TOPAZ1: variants seen among roughly 807,000 people sequenced by gnomAD.
The protein encoded by TOPAZ1 is testis and ovary specific TOPAZ 1.
In TOPAZ1, 66 loss-of-function variants were observed where a neutral mutation model predicts 172.2. That is an observed-to-expected ratio of 0.38 (90% CI 0.31 to 0.47). The LOEUF is 0.47. TOPAZ1 is among the 20% of genes least tolerant of loss of function. The probability of loss-of-function intolerance (pLI) is 0.99; values close to 1 mark genes in which losing one functional copy is unlikely to be tolerated. For missense variants in TOPAZ1, 1,822 were observed against 1,972.4 expected (o/e 0.92, Z 1.44); for synonymous variants, 681 against 683.9 (o/e 1.00, Z 0.07).
chr3:44,317,256 A>G (rs1180685888), intron 16 of TOPAZ1, among the ~76,000 whole-genome samples: 3 of 152,128 alleles, frequency 2.0e-5, no homozygotes, highest in Non-Finnish European at 4.4e-5. Flanking sequence ...CCCTGTCGCT[A>G]AGAAAAATAC....
intron 2 of TOPAZ1, among the ~76,000 whole-genome samples, chr3:44,246,170 T>C (rs1321897499): frequency 2.0e-5 from 3 of 152,234 alleles, no homozygotes; most frequent in African/African-American, 7.2e-5. Flanking sequence ...ATGATGATTT[T>C]TTCCCTCAAA....
intron 12 of TOPAZ1, among the ~76,000 whole-genome samples, chr3:44,296,865 GAAAAAA>G (rs1164667443): frequency 1.9e-4 from 17 of 87,726 alleles, no homozygotes; most frequent in African/African-American, 3.6e-4. Context: ...AAAAAAAAAA[GAAAAAA>G]AAAAGAAAAG....
rs763846246 is a variant in TOPAZ1, at chr3:44,243,537, T to TTA, written c.1032_1033dup (p.Thr345IlefsTer4). ...TTGTCTGAAAAAGCAGATGAAACAG[T>TTA]TACTGAGATGAACTTCTCTAATGAG... On this transcript the variant is annotated frameshift_variant, in exon 2 of 20. Transcript: ENST00000309765. LOFTEE classifies it high-confidence loss of function. 3.9e-6 allele frequency: 6 copies of TTA among 1,551,358 alleles called. No homozygotes were observed.
In TOPAZ1 at chr3:44,269,471, C is replaced by CTTTTTTTTTTTTTTTTTTTTTTTTTT. The variant is rs71085612; in HGVS notation, c.3246+176_3246+201dup. ...CCTTTTGATTGTATTTCCCTATCAT[C>CTTTTTTTTTTTTTTTTTTTTTTTTTT]TTTTTTTTTTTTTTTTTTTTTTTTT... On this transcript the variant is annotated intron_variant, in intron 7 of 19. Coordinates refer to ENST00000309765, the MANE Select transcript of TOPAZ1 (RefSeq NM_001145030.2). Among the ~76,000 whole-genome samples, 47 of 33,934 alleles carry CTTTTTTTTTTTTTTTTTTTTTTTTTT rather than the reference C, an allele frequency of 1.4e-3. 6 individuals are homozygous for CTTTTTTTTTTTTTTTTTTTTTTTTTT. Among genetic ancestry groups the CTTTTTTTTTTTTTTTTTTTTTTTTTT allele is most frequent in the African/African-American group, 2.0e-3 (12 of 6,122 alleles). 22.3% of individuals were successfully genotyped at this position (33,934 alleles called of 152,430 possible).
chr3:44,300,345 G>C (rs1291132796), intron 12 of TOPAZ1, among the ~76,000 whole-genome samples: 1 of 151,888 alleles, frequency 6.6e-6, no homozygotes, highest in Non-Finnish European at 1.5e-5. Context: ...GAGGCTCCAA[G>C]AGAATCACTT....
chr3:44,257,771 A>T (rs1699731428), intron 4 of TOPAZ1, among the ~76,000 whole-genome samples: 1 of 152,132 alleles, frequency 6.6e-6, no homozygotes, highest in Non-Finnish European at 1.5e-5. Context: ...TGATATTGAT[A>T]AAATAAGTTT....
chr3:44,306,268 T>A, intron 14 of TOPAZ1, 58 bp from the exon 15 acceptor site: 1 of 1,133,188 alleles, frequency 8.8e-7, no homozygotes, highest in Non-Finnish European at 1.3e-6. Flanking sequence ...TTAGTTTGCC[T>A]CTTCCATCAT....
intron 1 of TOPAZ1, 82 bp downstream of exon 1, chr3:44,242,481 T>G: frequency 1.5e-6 from 2 of 1,374,154 alleles, no homozygotes; most frequent in Non-Finnish European, 2.0e-6. Flanking sequence ...AGTCTTTAAC[T>G]TGAACCTGCA....
chr3:44,245,536 T>G (rs2125676228), intron 2 of TOPAZ1, among the ~76,000 whole-genome samples: 1 of 41,354 alleles, frequency 2.4e-5, no homozygotes, highest in Admixed American at 3.2e-4. Flanking sequence ...GTGGCTTTTT[T>G]TTTTTTTTTT....
intron 5 of TOPAZ1, among the ~76,000 whole-genome samples, chr3:44,266,422 G>A (rs1256718543): frequency 1.3e-5 from 2 of 152,158 alleles, no homozygotes; most frequent in South Asian, 2.1e-4. Context: ...TGTCTTATCC[G>A]TCAACATGCC....
chr3:44,258,714 A>G (rs1202967938), intron 4 of TOPAZ1, among the ~76,000 whole-genome samples: 2 of 152,114 alleles, frequency 1.3e-5, no homozygotes, highest in Non-Finnish European at 2.9e-5. Context: ...CTATTTGCTC[A>G]TTGATGGATA....
Position 44,305,153 on chromosome 3 carries a change from A to G in TOPAZ1, c.3871A>G (p.Lys1291Glu). The G allele has an allele frequency of 6.6e-7, 1 of 1,507,352 alleles. No homozygotes were observed. Among genetic ancestry groups the G allele is most frequent in the Non-Finnish European group, 8.8e-7 (1 of 1,130,544 alleles). 93.4% of individuals were successfully genotyped at this position (1,507,352 alleles called of 1,614,324 possible). ...DSALNKLEHC[K>E]EKGDWTKLGK... The stretch of plus-strand genomic sequence containing the variant: ...TTTTTAATAATTTTGATAGCATTGT[A>G]AAGAAAAAGGTGACTGGACCAAATT... Residue 1291 changes from lysine to glutamate, a missense_variant, in exon 14 of 20, where the codon AAA becomes GAA. Coordinates refer to ENST00000309765, the MANE Select transcript of TOPAZ1 (RefSeq NM_001145030.2).
Position 44,244,310 on chromosome 3 carries a change from A to C in TOPAZ1, c.1804A>C (p.Ser602Arg). The C allele has an allele frequency of 6.4e-7, 1 of 1,551,120 alleles. No individual in the cohort carries two copies. Among genetic ancestry groups the C allele is most frequent in the Non-Finnish European group, 8.7e-7 (1 of 1,146,846 alleles). ...TAAAAAGATAAAATCAGAGGAACTG[A>C]GCAGAAGAGGGTCAGAGGTAATTTC... ...DDKKIKSEEL[S>R]RRGSEVISNT... The change falls in exon 2 of 20, where the codon AGC (serine) becomes CGC (arginine). Residue 602 changes from serine to arginine, a missense_variant. By Grantham distance (110) the Ser-to-Arg change is moderately radical. Coordinates refer to ENST00000309765, the MANE Select transcript of TOPAZ1 (RefSeq NM_001145030.2).
intron 2 of TOPAZ1, 95 bp from the exon 3 acceptor site, chr3:44,254,873 C>G (rs1699678237): frequency 1.2e-6 from 1 of 853,448 alleles, no homozygotes; most frequent in Non-Finnish European, 1.8e-6. Context: ...CTGATGTTCA[C>G]CAGCAGCTAA....
chr3:44,311,138 C>T (rs1700393522), intron 16 of TOPAZ1, among the ~76,000 whole-genome samples: 1 of 151,922 alleles, frequency 6.6e-6, no homozygotes, highest in Non-Finnish European at 1.5e-5. Flanking sequence ...TATATATATT[C>T]ATATACATGT....
chr3:44,327,402 C>T (rs1418178882), intron 18 of TOPAZ1, among the ~76,000 whole-genome samples: 1 of 152,066 alleles, frequency 6.6e-6, no homozygotes, highest in Non-Finnish European at 1.5e-5. Context: ...ATAGGTATTT[C>T]CCTATATATC....
chr3:44,243,304 G>T lies in TOPAZ1; in HGVS notation c.798G>T (p.Arg266Ser). Residue 266 changes from arginine (R) to serine (S), a missense_variant, in exon 2 of 20, where the codon AGG (arginine) becomes AGT (serine). Physicochemically the swap from Arg to Ser is moderately radical, Grantham distance 110. Transcript: ENST00000309765. The stretch of plus-strand genomic sequence containing the variant: ...ATTTCTCAAAGAAAGAAAACCTTAG[G>T]AGTCTTGCAGAGAAGAGTGACACAA... ...AENFSKKENL[R>S]SLAEKSDTNS... 1 of 1,551,458 alleles carries T rather than the reference G, an allele frequency of 6.4e-7. No individual in the cohort carries two copies. Among genetic ancestry groups the T allele is most frequent in the South Asian group, 1.2e-5 (1 of 84,012 alleles).
chr3:44,274,087 C>G (rs1699926003), intron 8 of TOPAZ1, among the ~76,000 whole-genome samples: 1 of 151,122 alleles, frequency 6.6e-6, no homozygotes, highest in African/African-American at 2.4e-5. Flanking sequence ...CAAGATCAGC[C>G]TGGCCAACAT....
chr3:44,284,485 A>G (rs1472998453), intron 9 of TOPAZ1, among the ~76,000 whole-genome samples: 2 of 152,182 alleles, frequency 1.3e-5, no homozygotes, highest in Non-Finnish European at 2.9e-5. Context: ...ATCCTGTTGT[A>G]TGTACATACC....
Sources: gnomAD v4.1 joint callset for allele counts (sites outside exome capture counted in the v4.1 genomes callset) on GRCh38, gnomAD v4.1.1 for gene constraint, MANE v1.5 for transcripts, NCBI Gene and HGNC (gene_info 2026-07-23, HGNC 2026-07-21) for gene names.